ST7L: variants seen among roughly 807,000 people sequenced by gnomAD.
ST7L encodes suppression of tumorigenicity 7 like, also known as suppressor of tumorigenicity 7 protein-like.
ST7L carries 57 observed loss-of-function variants against 72.5 expected under a neutral mutation model. The observed-to-expected ratio is 0.79, with a 90% confidence interval of 0.64 to 0.98. The LOEUF is 0.98. Ranked by LOEUF, ST7L falls within the 50% of genes least tolerant of loss-of-function variation. ST7L has a pLI of 0.00. For synonymous variants in ST7L, 221 were observed against 240.9 expected, an observed-to-expected ratio of 0.92 and a Z score of 0.77; for missense variants, 576 against 672.2, an observed-to-expected ratio of 0.86 and a Z score of 1.58.
intron 2 of ST7L, among the ~76,000 whole-genome samples, chr1:112,613,221 T>G (rs1311839311): frequency 6.6e-6 from 1 of 152,198 alleles, no homozygotes; most frequent in African/African-American, 2.4e-5. Context: ...AGTATGAAGT[T>G]AGGGGCTTTT....
Position 112,533,789 on chromosome 1 carries a change from G to A in ST7L, c.1630-7678C>T, listed in dbSNP as rs143034868. Among the ~76,000 whole-genome samples, 20 of 152,226 alleles carry A rather than the reference G, an allele frequency of 1.3e-4. No homozygotes were observed. In the East Asian group the frequency reaches 3.5e-3, roughly 26 times the overall value. The stretch of plus-strand genomic sequence containing the variant: ...TCCTGTCTCCGCCTTCTAAGTAGCT[G>A]AAACTACAGGGGTGCGCCACCATGC... On this transcript the variant is annotated intron_variant, in intron 14 of 14. Transcript: ENST00000358039.
chr1:112,520,325 G>A (rs772143167), downstream of ST7L: 4 of 1,614,148 alleles, frequency 2.5e-6, no homozygotes, highest in South Asian at 4.4e-5. Flanking sequence ...ACATCAAAAG[G>A]AACAGACGGT....
intron 14 of ST7L, among the ~76,000 whole-genome samples, chr1:112,536,973 C>T (rs1042450464): frequency 3.9e-4 from 60 of 152,010 alleles, no homozygotes; most frequent in Admixed American, 3.8e-3. Context: ...CAAAGACTAC[C>T]CTGTTTAGTT....
At chr1:112,555,645 T>A (rs1251679994) in intron 12 of ST7L, among the ~76,000 whole-genome samples, 1 of 152,220 alleles carries the variant, frequency 6.6e-6, no homozygotes, top group Non-Finnish European at 1.5e-5. Flanking sequence ...TAAATTAACA[T>A]ATGGCAGAAT....
intron 13 of ST7L, 102 bp downstream of exon 13, chr1:112,550,499 G>T: frequency 2.5e-6 from 2 of 790,998 alleles, no homozygotes; most frequent in Non-Finnish European, 4.1e-6. Flanking sequence ...TTTAAACAGT[G>T]TCCTGAATTT....
At chr1:112,588,462 T>C (rs1665185785) in intron 6 of ST7L, among the ~76,000 whole-genome samples, 1 of 152,240 alleles carries the variant, frequency 6.6e-6, no homozygotes, top group South Asian at 2.1e-4. Flanking sequence ...CTTCCATTCC[T>C]AGTTTTTTAA....
intron 14 of ST7L, chr1:112,540,213 T>C: frequency 1.0e-6 from 1 of 985,456 alleles, no homozygotes; most frequent in South Asian, 4.7e-5. Context: ...TCTATTTCAC[T>C]TCCTTCCCAC....
chr1:112,519,541 G>C (rs1183511575), downstream of ST7L, among the ~76,000 whole-genome samples: 2 of 152,118 alleles, frequency 1.3e-5, no homozygotes, highest in Non-Finnish European at 2.9e-5. Flanking sequence ...AAATCAGTCA[G>C]AATGAGGTTC....
intron 11 of ST7L, among the ~76,000 whole-genome samples, chr1:112,563,862 G>C (rs763972709): frequency 1.0e-3 from 153 of 152,158 alleles, no homozygotes; most frequent in Non-Finnish European, 1.3e-3. Flanking sequence ...TCTTACAACA[G>C]CTTTTGACCA....
rs375039792 is a variant in ST7L, at chr1:112,610,950, T to C, written c.342A>G (p.Val114=). 8 of 1,614,112 alleles carry C rather than the reference T, an allele frequency of 5.0e-6. No homozygotes were observed. The African/African-American group carries it at 5.3e-5, about 11-fold the overall frequency. The change falls in exon 3 of 15, where the codon GTA becomes GTG. Residue 114 remains valine (V), a synonymous_variant. Coordinates refer to ENST00000358039, the MANE Select transcript of ST7L (RefSeq NM_017744.5). Reference sequence around the variant, plus strand: ...TCAGTGGTTGCAAATGGCTTACAGATACTTGCTCAATAAAAGATGTGCCAT... The same window carrying C: ...TCAGTGGTTGCAAATGGCTTACAGACACTTGCTCAATAAAAGATGTGCCAT... ...HKHGTSFIEQ[V]SVSHLQPLMG...
In ST7L at chr1:112,563,761, A is replaced by G. The variant is rs111967117; in HGVS notation, c.1246-7743T>C. ...GTTTCTTTTACAACTCTAAAGCCCTATGTATGCTTACACTCAAATTTACTT... is the reference window on the plus strand; with the variant it reads ...GTTTCTTTTACAACTCTAAAGCCCTGTGTATGCTTACACTCAAATTTACTT... On this transcript the variant is annotated intron_variant, in intron 11 of 14. Transcript: ENST00000358039. Among the ~76,000 whole-genome samples, 707 of 152,286 alleles carry G rather than the reference A, an allele frequency of 4.6e-3. 8 individuals carry two copies. Among genetic ancestry groups the G allele is most frequent in the African/African-American group, 0.015 (633 of 41,572 alleles).
At position 112,580,287 on chromosome 1, in the gene ST7L, T is replaced by C. The variant is rs56314235; in HGVS notation, c.1069+1705A>G. Among the ~76,000 whole-genome samples the C allele has an allele frequency of 6.7e-3, 1,014 of 152,330 alleles. 3 individuals are homozygous for C. The highest frequency in any genetic ancestry group is 0.01 in the Non-Finnish European group (681 of 68,014). On this transcript the variant is annotated intron_variant, in intron 9 of 14. Transcript: ENST00000358039. ...CCTCAGCTTCCCGAGCAGCTGGGAC[T>C]ACAGGCGCATGCCACCACACCCAGC...
intron 14 of ST7L, chr1:112,539,762 T>C (rs1655811513): frequency 8.1e-6 from 8 of 985,230 alleles, no homozygotes; most frequent in African/African-American, 1.7e-5. Flanking sequence ...TTGGAAATCC[T>C]GCACAAATAT....
At chr1:112,566,131 G>C (rs991876788) in intron 11 of ST7L, among the ~76,000 whole-genome samples, 1 of 151,986 alleles carries the variant, frequency 6.6e-6, no homozygotes, top group African/African-American at 2.4e-5. Flanking sequence ...CAGAAGGCAT[G>C]ATACTTTTAC....
chr1:112,530,134 T>G (rs557899607), intron 14 of ST7L: 1 of 152,352 alleles, frequency 6.6e-6, no homozygotes, highest in East Asian at 1.9e-4. Context: ...AGAGAAGTAA[T>G]AATTACCAAT....
intron 11 of ST7L, among the ~76,000 whole-genome samples, chr1:112,568,262 C>T (rs981104360): frequency 1.3e-5 from 2 of 150,434 alleles, no homozygotes; most frequent in African/African-American, 4.9e-5. Flanking sequence ...GTGGCATTTT[C>T]AAATGTGGAT....
chr1:112,583,983 T>C lies in ST7L; in HGVS notation c.845A>G (p.Glu282Gly), dbSNP rs144485512. Residue 282 changes from glutamate (E) to glycine (G), a missense_variant, in exon 7 of 15, where the codon GAA becomes GGA. Around this residue, in one of 3 missense-constraint regions of ST7L, gnomAD observed 511 missense variants for 600.7 expected, o/e 0.85. Coordinates refer to ENST00000358039, the MANE Select transcript of ST7L (RefSeq NM_017744.5). ...TCAAACTTGCTTACTCAGTTGAGCTTCATGCTGAGGACTTTGGTGCTGGCA... is the reference window on the plus strand; with the variant it reads ...TCAAACTTGCTTACTCAGTTGAGCTCCATGCTGAGGACTTTGGTGCTGGCA... ...QQCQHQSPQH[E>G]AQLRRDTNVL... 1.5e-5 allele frequency: 24 copies of C among 1,613,756 alleles called. No individual in the cohort carries two copies. In the African/African-American group the frequency reaches 2.9e-4, roughly 20 times the overall value.
chr1:112,569,188 A>G (rs1661630753), intron 11 of ST7L, among the ~76,000 whole-genome samples: 1 of 152,202 alleles, frequency 6.6e-6, no homozygotes, highest in Non-Finnish European at 1.5e-5. Flanking sequence ...AAACAGAATT[A>G]CTTGCGATCT....
chr1:112,555,150 C>T (rs1178187190), intron 12 of ST7L, among the ~76,000 whole-genome samples: 3 of 151,994 alleles, frequency 2.0e-5, no homozygotes, highest in Non-Finnish European at 4.4e-5. Flanking sequence ...ATATATTTTA[C>T]AATAAAGAAT....
Sources: allele counts gnomAD v4.1 joint callset (sites outside exome capture counted in the v4.1 genomes callset), GRCh38; gene constraint gnomAD v4.1.1; regional missense constraint gnomAD v4.1.1; transcripts MANE v1.5; gene names NCBI Gene and HGNC (gene_info 2026-07-23, HGNC 2026-07-21).